The following TIAM1 variants were observed in gnomAD, a reference collection of about 807,000 sequenced individuals.
TIAM1 encodes rho guanine nucleotide exchange factor TIAM1.
Under a neutral mutation model 163.5 loss-of-function variants are expected in TIAM1, and 65 were observed. That is an observed-to-expected ratio of 0.40 (90% CI 0.33 to 0.49). The LOEUF (loss-of-function observed/expected upper bound fraction) is 0.49, where lower values mean the gene tolerates loss of function less well. Ranked by LOEUF, TIAM1 falls within the 20% of genes least tolerant of loss-of-function variation. The probability of loss-of-function intolerance (pLI) is 0.77; values close to 1 mark genes in which losing one functional copy is unlikely to be tolerated. For missense variants in TIAM1, 1,789 were observed against 2,044.7 expected, an observed-to-expected ratio of 0.87 and a Z score of 2.41; for synonymous variants, 833 against 810.1, an observed-to-expected ratio of 1.03 and a Z score of -0.48.
Position 31,210,615 on chromosome 21 carries a change from G to GAGAAAGAA in TIAM1, c.2218-408_2218-401dup, listed in dbSNP as rs776429877. Among the ~76,000 whole-genome samples, 14 of 27,492 alleles carry GAGAAAGAA rather than the reference G, an allele frequency of 5.1e-4. 3 individuals are homozygous for GAGAAAGAA. The highest frequency in any genetic ancestry group is 9.9e-4 in the African/African-American group (6 of 6,064). 18.0% of individuals were successfully genotyped at this position (27,492 alleles called of 152,430 possible). Reference sequence around the variant, plus strand: ...GAAAGAGAGAAAGAAGGAAGGAAGGGAGAAAGAAAGAAAGAAAGAAAGAAA... The same window carrying GAGAAAGAA: ...GAAAGAGAGAAAGAAGGAAGGAAGGGAGAAAGAAAGAAAGAAAGAAAGAAAGAAAGAAA... On this transcript the variant is annotated intron_variant, in intron 10 of 27. Coordinates refer to ENST00000541036, the MANE Select transcript of TIAM1 (RefSeq NM_001353694.2).
At position 31,446,311 on chromosome 21, in the gene TIAM1, T is replaced by C. The variant is rs116407113; in HGVS notation, c.-369+17672A>G. 3.2e-3 allele frequency among the ~76,000 whole-genome samples: 480 copies of C among 152,330 alleles called. 5 individuals carry two copies. Among genetic ancestry groups the C allele is most frequent in the African/African-American group, 0.011 (455 of 41,574 alleles). On this transcript the variant is annotated intron_variant, in intron 2 of 28. Transcript: ENST00000286827. Reference sequence around the variant, plus strand: ...GCAGCTGAAAAATAGAAGCAAGCTCTAGTTGCTTTCTACTTAAGATAGGTA... The same window carrying C: ...GCAGCTGAAAAATAGAAGCAAGCTCCAGTTGCTTTCTACTTAAGATAGGTA...
chr21:31,461,180 G>C (rs1209571967), intron 2 of TIAM1, among the ~76,000 whole-genome samples: 1 of 152,076 alleles, frequency 6.6e-6, no homozygotes, highest in Non-Finnish European at 1.5e-5. Flanking sequence ...CAGCGAATCG[G>C]GTCTCAAAAT....
chr21:31,547,717 T>C (rs2048542216), intron 1 of TIAM1, among the ~76,000 whole-genome samples: 1 of 152,234 alleles, frequency 6.6e-6, no homozygotes, highest in Non-Finnish European at 1.5e-5. Flanking sequence ...TTTTCTAAAA[T>C]GTCATGGTAG....
chr21:31,512,057 G>A (rs2047227034), intron 1 of TIAM1, among the ~76,000 whole-genome samples: 1 of 152,058 alleles, frequency 6.6e-6, no homozygotes, highest in South Asian at 2.1e-4. Flanking sequence ...AGCTGCCTGG[G>A]ATGCACTGAA....
At chr21:31,220,505 AAAAG>A (rs1179121087) in intron 8 of TIAM1, among the ~76,000 whole-genome samples, 2 of 152,248 alleles carry the variant, frequency 1.3e-5, no homozygotes, top group African/African-American at 2.4e-5. Context: ...TAATGTAAAA[AAAAG>A]AAAGAAAAAA....
At chr21:31,365,166 A>AGTC (rs2076477606) in intron 2 of TIAM1, among the ~76,000 whole-genome samples, 1 of 152,152 alleles carries the variant, frequency 6.6e-6, no homozygotes, top group African/African-American at 2.4e-5. Context: ...TCTAGTCTCC[A>AGTC]AACACGCCAG....
intron 20 of TIAM1, among the ~76,000 whole-genome samples, chr21:31,144,830 G>GAA (rs764835303): frequency 0.038 from 2,808 of 74,474 alleles, 149 homozygotes; most frequent in African/African-American, 0.044. Context: ...CTCCATCTCA[G>GAA]AAAAAAAAAA....
At chr21:31,210,760 AAGAAAG>A (rs1432788358) in intron 10 of TIAM1, among the ~76,000 whole-genome samples, 17 of 115,850 alleles carry the variant, frequency 1.5e-4, no homozygotes, top group South Asian at 8.2e-4. Context: ...GAAAGAAAGA[AAGAAAG>A]AAAGAAAGAA....
chr21:31,206,254 G>C (rs954820286), intron 11 of TIAM1, among the ~76,000 whole-genome samples: 1 of 152,068 alleles, frequency 6.6e-6, no homozygotes, highest in African/African-American at 2.4e-5. Flanking sequence ...ATCACGGCTG[G>C]TCTAACATAA....
At chr21:31,124,337 G>T in intron 27 of TIAM1, 185 bp downstream of exon 27, 2 of 687,650 alleles carry the variant, frequency 2.9e-6, no homozygotes, top group Non-Finnish European at 4.4e-6. Flanking sequence ...ATACAGGGCG[G>T]ATCCCCAGGA....
chr21:31,467,137 G>A (rs1359476435), intron 1 of TIAM1, among the ~76,000 whole-genome samples: 1 of 152,166 alleles, frequency 6.6e-6, no homozygotes, highest in Admixed American at 6.5e-5. Context: ...ACCCCAGCCT[G>A]GTCAACATAG....
chr21:31,310,902 C>T (rs1252309421), intron 2 of TIAM1, among the ~76,000 whole-genome samples: 1 of 152,210 alleles, frequency 6.6e-6, no homozygotes, highest in Non-Finnish European at 1.5e-5. Context: ...GCAAAGCATA[C>T]TTTGCATTTT....
upstream of TIAM1, among the ~76,000 whole-genome samples, chr21:31,348,346 C>T (rs1223390522): frequency 2.0e-5 from 3 of 152,200 alleles, no homozygotes; most frequent in Non-Finnish European, 4.4e-5. Context: ...GAAGTGCTGG[C>T]ACCAACGCGT....
At chr21:31,360,435 AG>A (rs1483455344) in intron 2 of TIAM1, among the ~76,000 whole-genome samples, 1 of 152,058 alleles carries the variant, frequency 6.6e-6, no homozygotes, top group African/African-American at 2.4e-5. Context: ...TTATCTAGGA[AG>A]GCTTCAAAGT....
In TIAM1 at chr21:31,118,725, T is replaced by C; in HGVS notation, c.*1643A>G. On this transcript the variant is annotated 3_prime_UTR_variant, in exon 28 of 28. Coordinates refer to ENST00000541036, the MANE Select transcript of TIAM1 (RefSeq NM_001353694.2). ...GAAAAATGCAGTGATACAAAGGGTA[T>C]AGAAACCATTCTAAAGCTTTTTCAG... 2 of 430,952 alleles carry C rather than the reference T, an allele frequency of 4.6e-6. No homozygotes were observed. The highest frequency in any genetic ancestry group is 4.7e-6 in the Non-Finnish European group (1 of 211,432). 26.7% of individuals were successfully genotyped at this position (430,952 alleles called of 1,614,324 possible). A position where few individuals can be genotyped will look rare whatever the true frequency, so the allele number is the denominator to read the frequency against.
chr21:31,506,010 CAAA>C (rs141958932), intron 1 of TIAM1, among the ~76,000 whole-genome samples: 134 of 84,138 alleles, frequency 1.6e-3, no homozygotes, highest in Non-Finnish European at 2.5e-3. Flanking sequence ...GACTCTGCCT[CAAA>C]AAAAAAAAAA....
intron 13 of TIAM1, among the ~76,000 whole-genome samples, chr21:31,191,979 A>G (rs556942952): frequency 1.3e-5 from 2 of 152,288 alleles, no homozygotes; most frequent in African/African-American, 2.4e-5. Flanking sequence ...ATCATTATGG[A>G]GCATCTAATT....
intron 2 of TIAM1, among the ~76,000 whole-genome samples, chr21:31,319,212 G>A (rs1181358743): frequency 2.7e-5 from 4 of 148,140 alleles, no homozygotes; most frequent in African/African-American, 1.0e-4. Context: ...AACCAGCCTT[G>A]AGAAGGGTGA....
chr21:31,465,199 C>A (rs2045478577), intron 1 of TIAM1, among the ~76,000 whole-genome samples: 1 of 151,736 alleles, frequency 6.6e-6, no homozygotes, highest in Non-Finnish European at 1.5e-5. Context: ...GAGCAAGAAC[C>A]TGTCTCAAAA....
Sources: gnomAD v4.1 joint callset for allele counts (sites outside exome capture counted in the v4.1 genomes callset) on GRCh38, gnomAD v4.1.1 for gene constraint, MANE v1.5 for transcripts, NCBI Gene and HGNC (gene_info 2026-07-23, HGNC 2026-07-21) for gene names.